Variants in MDH1 observed in about 807,000 individuals in gnomAD.
The protein encoded by MDH1 is malate dehydrogenase, cytoplasmic.
MDH1 carries 15 observed loss-of-function variants against 38.7 expected under a neutral mutation model. The ratio of observed to expected loss-of-function variants is 0.39; its 90% CI spans 0.26 to 0.60. The LOEUF is 0.60. Ranked by LOEUF, MDH1 falls within the 20% of genes least tolerant of loss-of-function variation. The pLI, the probability that MDH1 is intolerant of heterozygous loss-of-function variation, is 0.56. For missense variants in MDH1, 368 were observed against 405.2 expected, an observed-to-expected ratio of 0.91 and a Z score of 0.79; for synonymous variants, 144 against 143.6, an observed-to-expected ratio of 1.00 and a Z score of -0.02.
chr2:63,600,306 A>G (rs1228893434), intron 5 of MDH1, among the ~76,000 whole-genome samples: 4 of 152,178 alleles, frequency 2.6e-5, no homozygotes, highest in Non-Finnish European at 4.4e-5. Flanking sequence ...CCATATGGGT[A>G]TCTCATATTA....
At chr2:63,593,770 A>G (rs1709248497) in intron 1 of MDH1, 1 of 439,498 alleles carries the variant, frequency 2.3e-6, no homozygotes, top group African/African-American at 2.1e-5. Flanking sequence ...TTTAATAGAT[A>G]TATTTCTATC....
At chr2:63,605,122 G>A (rs1352987412) in intron 6 of MDH1, among the ~76,000 whole-genome samples, 158 bp from the exon 7 acceptor site, 5 of 152,154 alleles carry the variant, frequency 3.3e-5, no homozygotes, top group Admixed American at 3.3e-4. Flanking sequence ...CCTTTTTCCA[G>A]AAGGATTGGT....
At chr2:63,604,054 G>A (rs1709481665) in intron 5 of MDH1, among the ~76,000 whole-genome samples, 1 of 152,138 alleles carries the variant, frequency 6.6e-6, no homozygotes, top group Non-Finnish European at 1.5e-5. Flanking sequence ...TATAGCTAGA[G>A]ATTGTTACAT....
rs1160245413 is a variant in MDH1, at chr2:63,604,878, A to G, written c.675+6A>G. On this transcript the variant is annotated splice_donor_region_variant and intron_variant, in intron 6 of 8. Coordinates refer to ENST00000233114, the MANE Select transcript of MDH1 (RefSeq NM_005917.4). ...TCAAGGGAGAATTTGTCACGGTAAGAAAAATCTGTGAGCCTTCTTAACACT... is the reference window on the plus strand; with the variant it reads ...TCAAGGGAGAATTTGTCACGGTAAGGAAAATCTGTGAGCCTTCTTAACACT... 14 of 1,613,698 alleles carry G rather than the reference A, an allele frequency of 8.7e-6. No homozygotes were observed. Among genetic ancestry groups the G allele is most frequent in the Non-Finnish European group, 1.0e-5 (12 of 1,179,816 alleles).
At chr2:63,593,768 A>T (rs1709248334) in intron 1 of MDH1, 1 of 439,664 alleles carries the variant, frequency 2.3e-6, no homozygotes, top group East Asian at 7.1e-5. Flanking sequence ...TTTTTAATAG[A>T]TATATTTCTA....
At chr2:63,593,447 C>T in intron 1 of MDH1, 1 of 406,984 alleles carries the variant, frequency 2.5e-6, no homozygotes, top group Non-Finnish European at 5.0e-6. Flanking sequence ...GAGTGAGTAC[C>T]AAATTGCTGA....
chr2:63,598,123 T>C (rs985756652), intron 4 of MDH1: 1 of 152,128 alleles, frequency 6.6e-6, no homozygotes, highest in Non-Finnish European at 1.5e-5. Flanking sequence ...TTTTTTATTT[T>C]TTATTAATTT....
At chr2:63,595,626 A>T in intron 3 of MDH1, 107 bp downstream of exon 3, 1 of 692,172 alleles carries the variant, frequency 1.4e-6, no homozygotes, top group East Asian at 2.7e-5. Flanking sequence ...TCATAAGAGG[A>T]TTTTTTTATT....
chr2:63,606,125 T>A, intron 8 of MDH1, 97 bp downstream of exon 8: 2 of 1,159,718 alleles, frequency 1.7e-6, no homozygotes, highest in Non-Finnish European at 2.6e-6. Context: ...CTCACGCCTA[T>A]AATCCCAACA....
At position 63,595,517 on chromosome 2, in the gene MDH1, A is replaced by G. The variant is rs377196579; in HGVS notation, c.197A>G (p.Lys66Arg). Residue 66 changes from lysine (K) to arginine (R), a missense_variant and splice_region_variant, in exon 3 of 9, where the codon AAA (lysine) becomes AGA (arginine). By Grantham distance (26) the Lys-to-Arg change is conservative. Transcript: ENST00000233114. The part of the protein sequence containing the change: ...ELQDCALPLL[K>R]DVIATDKEDV... ...CAAGACTGTGCCCTTCCCCTCCTGA[A>G]AGGTGGGTTGGGGAGTAGAGAAGGG... is the stretch of plus-strand genomic sequence containing the variant. 54 of 1,591,072 alleles carry G rather than the reference A, an allele frequency of 3.4e-5. No individual in the cohort carries two copies. Among genetic ancestry groups the G allele is most frequent in the Non-Finnish European group, 4.3e-5 (50 of 1,159,136 alleles).
Position 63,606,080 on chromosome 2 carries a change from C to G in MDH1, c.879+52C>G, listed in dbSNP as rs545583899. On this transcript the variant is annotated intron_variant, in intron 8 of 8. Transcript: ENST00000233114. ...TCTTTGAGGAAGTAGTTATATGTTT[C>G]TCTTAAGAATGGTATTATTGGCCAG... The G allele has an allele frequency of 6.0e-5, 90 of 1,496,698 alleles. No individual in the cohort carries two copies. The Admixed American group carries it at 1.0e-3, about 17-fold the overall frequency. The allele number at this position is 1,496,698 out of a possible 1,614,324, so 92.7% of individuals were successfully genotyped here. A position where few individuals can be genotyped will look rare whatever the true frequency, so the allele number is the denominator to read the frequency against.
rs964218418 is a variant in MDH1 at position 63,594,206 on chromosome 2, C to A, written c.4-282C>A. On this transcript the variant is annotated intron_variant, in intron 1 of 8. Coordinates refer to ENST00000233114, the MANE Select transcript of MDH1 (RefSeq NM_005917.4). ...TTGGATCACCACATACTGAACACATCAACATTGTTGAGCCTATTTTAGTGG... is the reference window on the plus strand; with the variant it reads ...TTGGATCACCACATACTGAACACATAAACATTGTTGAGCCTATTTTAGTGG... 5.6e-6 allele frequency: 3 copies of A among 538,208 alleles called. No individual in the cohort carries two copies. In the African/African-American group the frequency reaches 5.7e-5, roughly 10 times the overall value. The allele number at this position is 538,208 out of a possible 1,614,324, so 33.3% of individuals were successfully genotyped here.
At chr2:63,592,679 A>T (rs187880622) in intron 1 of MDH1, among the ~76,000 whole-genome samples, 303 of 152,366 alleles carry the variant, frequency 2.0e-3, no homozygotes, top group Non-Finnish European at 3.2e-3. Context: ...AAAATATCTT[A>T]AAAAATTTTT....
At chr2:63,589,371 A>T in intron 1 of MDH1, 1 of 1,550,598 alleles carries the variant, frequency 6.4e-7, no homozygotes, top group Non-Finnish European at 8.7e-7. Context: ...ACGGTGTTTG[A>T]TAAGGACGAT....
Position 63,605,950 on chromosome 2 carries a change from G to A in MDH1, c.801G>A (p.Val267=). The A allele has an allele frequency of 1.2e-6, 2 of 1,613,688 alleles. No homozygotes were observed. The highest frequency in any genetic ancestry group is 1.7e-6 in the Non-Finnish European group (2 of 1,179,568). Residue 267 remains valine (V), a synonymous_variant, in exon 8 of 9, where the codon GTG becomes GTA. Transcript: ENST00000233114. ...ATTGTTATTTTCAGGGAGAGTTTGT[G>A]TCCATGGGTGTTATCTCTGATGGCA... The part of the protein sequence containing the change: ...IWFGTPEGEF[V]SMGVISDGNS...
intron 1 of MDH1, among the ~76,000 whole-genome samples, chr2:63,591,757 C>G (rs1165223694): frequency 6.6e-6 from 1 of 152,108 alleles, no homozygotes; most frequent in Non-Finnish European, 1.5e-5. Context: ...TACAGAGCAA[C>G]AGAAATGTAA....
Position 63,597,407 on chromosome 2 carries a change from G to C in MDH1, c.208G>C (p.Ala70Pro). Residue 70 changes from alanine (A) to proline (P), a missense_variant, in exon 4 of 9, where the codon GCA becomes CCA. Ala to Pro is a conservative substitution (Grantham distance 27). Coordinates refer to ENST00000233114, the MANE Select transcript of MDH1 (RefSeq NM_005917.4). Reference sequence around the variant, plus strand: ...TATTGCCATGTCCACAGATGTCATCGCAACAGATAAAGAAGACGTTGCCTT... The same window carrying C: ...TATTGCCATGTCCACAGATGTCATCCCAACAGATAAAGAAGACGTTGCCTT... The part of the protein sequence containing the change: ...CALPLLKDVI[A>P]TDKEDVAFKD... 2.8e-6 allele frequency: 4 copies of C among 1,427,180 alleles called. No homozygotes were observed. The highest frequency in any genetic ancestry group is 3.7e-6 in the Non-Finnish European group (4 of 1,079,768). 88.4% of individuals were successfully genotyped at this position (1,427,180 alleles called of 1,614,324 possible).
At chr2:63,606,084 T>C in intron 8 of MDH1, 56 bp downstream of exon 8, 2 of 1,473,514 alleles carry the variant, frequency 1.4e-6, no homozygotes, top group Non-Finnish European at 1.9e-6. Flanking sequence ...ATGTTTCTCT[T>C]AAGAATGGTA....
At chr2:63,594,335 G>A (rs768461935) in intron 1 of MDH1, 153 bp from the exon 2 acceptor site, 6 of 746,150 alleles carry the variant, frequency 8.0e-6, no homozygotes, top group South Asian at 6.8e-5. Flanking sequence ...TAAATATGCA[G>A]CACATTCATT....
Sources: gnomAD v4.1 joint callset for allele counts (sites outside exome capture counted in the v4.1 genomes callset) on GRCh38, gnomAD v4.1.1 for gene constraint, MANE v1.5 for transcripts, NCBI Gene and HGNC (gene_info 2026-07-23, HGNC 2026-07-21) for gene names.